The following FANCD2OS variants were observed in gnomAD, a reference collection of about 807,000 sequenced individuals.
The protein encoded by FANCD2OS is FANCD2 opposite strand, also known as FANCD2 opposite strand protein.
In FANCD2OS, 11 loss-of-function variants were observed where a neutral mutation model predicts 13.2. The ratio of observed to expected loss-of-function variants is 0.83; its 90% CI spans 0.52 to 1.38. The LOEUF (loss-of-function observed/expected upper bound fraction) is 1.38. FANCD2OS is among the 40% of genes most tolerant of loss of function. The pLI is 0.00. For synonymous variants in FANCD2OS, 69 were observed against 84.5 expected, an observed-to-expected ratio of 0.82 and a Z score of 1.01; for missense variants, 217 against 213.9, an observed-to-expected ratio of 1.01 and a Z score of -0.09.
intron 2 of FANCD2OS, among the ~76,000 whole-genome samples, chr3:10,095,572 A>C (rs554047906): frequency 1.3e-5 from 2 of 152,356 alleles, no homozygotes; most frequent in East Asian, 3.9e-4. Context: ...TCTAGGTAAC[A>C]GGACTGTGAT....
intron 2 of FANCD2OS, among the ~76,000 whole-genome samples, chr3:10,096,899 G>A (rs1159062648): frequency 6.6e-6 from 1 of 152,142 alleles, no homozygotes; most frequent in East Asian, 1.9e-4. Context: ...TGGGGGACCT[G>A]CCCCGATAAT....
At chr3:10,081,772 A>G (rs1302946972) in intron 2 of FANCD2OS, among the ~76,000 whole-genome samples, 1 of 152,040 alleles carries the variant, frequency 6.6e-6, no homozygotes, top group Non-Finnish European at 1.5e-5. Context: ...TTGTTTGGTG[A>G]TGAGCTGAAC....
chr3:10,100,912 T>C (rs1401033880), downstream of FANCD2OS, among the ~76,000 whole-genome samples: 1 of 151,874 alleles, frequency 6.6e-6, no homozygotes, highest in African/African-American at 2.4e-5. Flanking sequence ...TCTACCAAAA[T>C]ACAAAAATTA....
downstream of FANCD2OS, chr3:10,101,377 CTTTTTTTTTTTTT>C (rs950337384): frequency 5.1e-6 from 2 of 388,516 alleles, no homozygotes; most frequent in African/African-American, 3.0e-5. Context: ...TTTTGTTCCT[CTTTTTTTTTTTTT>C]TTTTTTTTTT....
chr3:10,095,131 C>T (rs2125092407), intron 2 of FANCD2OS: 1 of 1,311,856 alleles, frequency 7.6e-7, no homozygotes, highest in Non-Finnish European at 1.1e-6. Flanking sequence ...CTTTTGATTG[C>T]AAGGGTATCT....
At chr3:10,098,653 C>A (rs890818858), downstream of FANCD2OS, 3 of 1,580,358 alleles carry the variant, frequency 1.9e-6, no homozygotes, top group East Asian at 4.6e-5. Flanking sequence ...GTAAACTCAA[C>A]CTTCTCCCCT....
chr3:10,088,462 A>G (rs1319741980), intron 2 of FANCD2OS: 1 of 1,608,992 alleles, frequency 6.2e-7, no homozygotes, highest in Admixed American at 1.7e-5. Flanking sequence ...CCCTTGCCAG[A>G]CAATTCCTCT....
upstream of FANCD2OS, chr3:10,108,373 C>T (rs531417817): frequency 6.6e-6 from 1 of 152,384 alleles, no homozygotes. Flanking sequence ...AGGCGCCCTA[C>T]TGGGAGGCGT....
In FANCD2OS at chr3:10,090,296, A is replaced by G. The variant is rs769903320; in HGVS notation, c.*44-8765T>C. On this transcript the variant is annotated intron_variant, in intron 2 of 2. Transcript: ENST00000524279. ...CATGCTTTTCCCGTCTTCTAGGCATACTTTTGTTGTTTTCTTCCGTGTGAT... is the reference window on the plus strand; with the variant it reads ...CATGCTTTTCCCGTCTTCTAGGCATGCTTTTGTTGTTTTCTTCCGTGTGAT... 3 of 1,613,060 alleles carry G rather than the reference A, an allele frequency of 1.9e-6. No homozygotes were observed. The highest frequency in any genetic ancestry group is 2.5e-6 in the Non-Finnish European group (3 of 1,179,350).
chr3:10,102,181 T>C (rs1332487865), downstream of FANCD2OS, among the ~76,000 whole-genome samples: 1 of 149,482 alleles, frequency 6.7e-6, no homozygotes, highest in Non-Finnish European at 1.5e-5. Context: ...TCTCACTCTA[T>C]CGCTCAGGCT....
intron 2 of FANCD2OS, among the ~76,000 whole-genome samples, chr3:10,097,764 A>T (rs1695059981): frequency 6.6e-6 from 1 of 152,228 alleles, no homozygotes; most frequent in Admixed American, 6.5e-5. Context: ...AAGGGTATTG[A>T]CTGGGGAAGT....
At chr3:10,088,895 G>A in intron 2 of FANCD2OS, 1 of 1,613,964 alleles carries the variant, frequency 6.2e-7, no homozygotes, top group South Asian at 1.1e-5. Flanking sequence ...TGGTGTCCCA[G>A]AACTGATCAA....
At chr3:10,083,414 T>C (rs1693966743) in intron 2 of FANCD2OS, 1 of 152,138 alleles carries the variant, frequency 6.6e-6, no homozygotes, top group Non-Finnish European at 1.5e-5. Flanking sequence ...CAAAAAGACT[T>C]AGCATGCCAA....
At chr3:10,093,974 C>T (rs55774491) in intron 2 of FANCD2OS, among the ~76,000 whole-genome samples, 2 of 152,162 alleles carry the variant, frequency 1.3e-5, no homozygotes, top group East Asian at 3.8e-4. Flanking sequence ...CAGTTTTTCC[C>T]TCTTGGGAGT....
At position 10,104,664 on chromosome 3, in the gene FANCD2OS, G is replaced by C. The variant is rs80267386; in HGVS notation, c.111C>G (p.Pro37=). ...GGTCGGACGGTGTGTGTGGGAAGCA[G>C]GGGGAGGCCTTGAATGGGTGCTTGG... The part of the protein sequence containing the change: ...PSSKHPFKAS[P]CFPHTPSDLE... The change falls in exon 2 of 2, where the codon CCC becomes CCG. Residue 37 remains proline, a synonymous_variant. Coordinates refer to ENST00000450660, the MANE Select transcript of FANCD2OS (RefSeq NM_001164839.2). The C allele has an allele frequency of 6.2e-7, 1 of 1,614,042 alleles. No homozygotes were observed. Among genetic ancestry groups the C allele is most frequent in the Non-Finnish European group, 8.5e-7 (1 of 1,180,042 alleles).
intron 2 of FANCD2OS, among the ~76,000 whole-genome samples, chr3:10,092,684 CTTTTTTTTTTT>C (rs565351425): frequency 2.8e-5 from 2 of 72,050 alleles, no homozygotes; most frequent in African/African-American, 1.8e-4. Context: ...TCTTTCATGT[CTTTTTTTTTTT>C]TTTTTTTTTT....
intron 2 of FANCD2OS, chr3:10,096,602 G>T: frequency 1.2e-6 from 1 of 849,288 alleles, no homozygotes; most frequent in South Asian, 1.4e-5. Flanking sequence ...GTCTGTGACT[G>T]TTTAACTCTT....
chr3:10,088,874 A>C, intron 2 of FANCD2OS: 2 of 1,614,056 alleles, frequency 1.2e-6, no homozygotes, highest in South Asian at 1.1e-5. Context: ...CATAGAGGAG[A>C]TTGCTGGTGT....
intron 2 of FANCD2OS, chr3:10,088,748 G>C (rs1694394802): frequency 1.4e-6 from 2 of 1,468,782 alleles, no homozygotes; most frequent in African/African-American, 1.4e-5. Context: ...TGTTAATTCA[G>C]ATCATAGAGG....
Sources: gnomAD v4.1 joint callset for allele counts (sites outside exome capture counted in the v4.1 genomes callset) on GRCh38, gnomAD v4.1.1 for gene constraint, MANE v1.5 for transcripts, NCBI Gene and HGNC (gene_info 2026-07-23, HGNC 2026-07-21) for gene names.